The following DPP6 variants were observed in gnomAD, a reference collection of about 807,000 sequenced individuals.
DPP6 encodes the protein A-type potassium channel modulatory protein DPP6.
In DPP6, 69 loss-of-function variants were observed where a neutral mutation model predicts 122.6. That is an observed-to-expected ratio of 0.56 (90% CI 0.46 to 0.69). The LOEUF (loss-of-function observed/expected upper bound fraction) is 0.69. DPP6 is among the 30% of genes least tolerant of loss of function. The pLI is 0.00. For missense variants in DPP6, 928 were observed against 1,116.9 expected, an observed-to-expected ratio of 0.83 and a Z score of 2.41; for synonymous variants, 418 against 433.1, an observed-to-expected ratio of 0.97 and a Z score of 0.43.
At chr7:154,090,892 G>A (rs1232192674) in intron 1 of DPP6, among the ~76,000 whole-genome samples, 6 of 148,784 alleles carry the variant, frequency 4.0e-5, no homozygotes, top group East Asian at 2.0e-4. Flanking sequence ...AGGCCGAGGC[G>A]GGCGGATCAC....
chr7:154,794,698 G>C lies in DPP6; in HGVS notation c.1260+496G>C, dbSNP rs570031011. The stretch of plus-strand genomic sequence containing the variant: ...TGTGTAGTGAGAGAAGGTAAACGTA[G>C]GGGAAAGAAAATTAAAATGCTCAAA... On this transcript the variant is annotated intron_variant, in intron 11 of 25. Transcript: ENST00000377770. Among the ~76,000 whole-genome samples the C allele has an allele frequency of 5.5e-4, 80 of 145,876 alleles. 1 individual carries two copies. Among genetic ancestry groups the C allele is most frequent in the Middle Eastern group, 3.5e-3 (1 of 282 alleles).
At chr7:153,908,849 A>G (rs56103203) in intron 1 of DPP6, among the ~76,000 whole-genome samples, 5,367 of 151,988 alleles carry the variant, frequency 0.035, 118 homozygotes, top group Non-Finnish European at 0.058. Context: ...CGCCTCCCAG[A>G]TTCAAGCGAT....
chr7:154,379,837 G>A (rs1813438821), intron 1 of DPP6, among the ~76,000 whole-genome samples: 3 of 152,230 alleles, frequency 2.0e-5, no homozygotes, highest in Admixed American at 6.5e-5. Context: ...ACTAAGCATT[G>A]CCAATATTGG....
At chr7:154,491,256 T>G (rs1285220933) in intron 3 of DPP6, among the ~76,000 whole-genome samples, 2 of 152,176 alleles carry the variant, frequency 1.3e-5, no homozygotes, top group Non-Finnish European at 2.9e-5. Flanking sequence ...TAAGCAAGGT[T>G]AAACAAACAA....
chr7:153,779,426 G>T, the DPP6 span, among the ~76,000 whole-genome samples: 1 of 150,386 alleles, frequency 6.6e-6, no homozygotes, highest in Non-Finnish European at 1.5e-5. Flanking sequence ...ATCTCCCCCA[G>T]GTTATTTATT....
chr7:154,673,060 TAC>T (rs1223868903), intron 7 of DPP6, among the ~76,000 whole-genome samples: 1 of 152,082 alleles, frequency 6.6e-6, no homozygotes, highest in Non-Finnish European at 1.5e-5. Context: ...TCATCACAGG[TAC>T]TCCCCACACC....
intron 16 of DPP6, among the ~76,000 whole-genome samples, chr7:154,815,623 G>T (rs1293095158): frequency 3.9e-5 from 6 of 152,222 alleles, no homozygotes; most frequent in Non-Finnish European, 1.5e-5. Context: ...GCCATTTGGT[G>T]CTTCCTACTG....
At chr7:154,870,691 G>A (rs111330221) in intron 18 of DPP6, among the ~76,000 whole-genome samples, 11,713 of 151,910 alleles carry the variant, frequency 0.077, 1,474 homozygotes, top group African/African-American at 0.26. Flanking sequence ...GGCCAGTCAC[G>A]GTGGCTCACG....
intron 21 of DPP6, chr7:154,884,212 A>C (rs1036378708): frequency 7.0e-6 from 1 of 142,510 alleles, no homozygotes; most frequent in Admixed American, 7.0e-5. Context: ...CACATACACG[A>C]TTACATGCAC....
intron 8 of DPP6, among the ~76,000 whole-genome samples, chr7:154,756,820 G>A (rs1843699401): frequency 1.3e-5 from 2 of 152,048 alleles, no homozygotes; most frequent in Non-Finnish European, 1.5e-5. Context: ...GAAAAATGAA[G>A]GCGCATTAGG....
At chr7:154,392,373 A>G (rs1814699833) in intron 1 of DPP6, among the ~76,000 whole-genome samples, 1 of 152,218 alleles carries the variant, frequency 6.6e-6, no homozygotes, top group South Asian at 2.1e-4. Context: ...CAGAAACCTC[A>G]GTTGATGAAC....
intron 7 of DPP6, among the ~76,000 whole-genome samples, chr7:154,713,019 G>A: frequency 6.6e-6 from 1 of 152,248 alleles, no homozygotes; most frequent in East Asian, 1.9e-4. Context: ...AGATACAATG[G>A]GGGTACAGGC....
At chr7:154,858,892 G>A (rs1803066952) in intron 17 of DPP6, among the ~76,000 whole-genome samples, 2 of 152,278 alleles carry the variant, frequency 1.3e-5, no homozygotes, top group Non-Finnish European at 2.9e-5. Context: ...TCTCCACACA[G>A]CACCAGGCCC....
chr7:154,625,642 T>C (rs997290898), intron 5 of DPP6, among the ~76,000 whole-genome samples: 1 of 152,214 alleles, frequency 6.6e-6, no homozygotes, highest in African/African-American at 2.4e-5. Context: ...CTCAGTGCTA[T>C]GAGGGACCAG....
chr7:154,060,730 C>CT (rs1801694108), intron 1 of DPP6, among the ~76,000 whole-genome samples: 1 of 146,322 alleles, frequency 6.8e-6, no homozygotes, highest in Non-Finnish European at 1.5e-5. Context: ...GGGAGGCACC[C>CT]CCCGCGAGGC....
At chr7:153,894,598 G>C (rs4726341) in intron 1 of DPP6, among the ~76,000 whole-genome samples, 1 of 152,058 alleles carries the variant, frequency 6.6e-6, no homozygotes, top group Admixed American at 6.5e-5. Flanking sequence ...GTCATCTATG[G>C]GTGTTGTGGA....
intron 1 of DPP6, among the ~76,000 whole-genome samples, chr7:154,274,046 G>A (rs145727125): frequency 6.6e-6 from 1 of 152,308 alleles, no homozygotes; most frequent in East Asian, 1.9e-4. Context: ...TACCATATGG[G>A]AACTGTGAGC....
At chr7:154,238,720 A>C (rs77006264) in intron 1 of DPP6, among the ~76,000 whole-genome samples, 1,867 of 152,312 alleles carry the variant, frequency 0.012, 38 homozygotes, top group African/African-American at 0.042. Flanking sequence ...TATGCTATAG[A>C]TACCTTCAAT....
chr7:153,955,025 T>C (rs1474125319), intron 1 of DPP6, among the ~76,000 whole-genome samples: 3 of 152,190 alleles, frequency 2.0e-5, no homozygotes, highest in Non-Finnish European at 4.4e-5. Flanking sequence ...CAAATTGATA[T>C]TTAAAAATTA....
Sources: allele counts gnomAD v4.1 joint callset (sites outside exome capture counted in the v4.1 genomes callset), GRCh38; gene constraint gnomAD v4.1.1; transcripts MANE v1.5; gene names NCBI Gene and HGNC (gene_info 2026-07-23, HGNC 2026-07-21).